PCDH9: variants seen among roughly 807,000 people sequenced by gnomAD.
PCDH9 encodes the protein protocadherin-9.
In PCDH9, 24 loss-of-function variants were observed where a neutral mutation model predicts 70.6. The observed-to-expected ratio is 0.34, with a 90% CI of 0.25 to 0.48. The LOEUF (loss-of-function observed/expected upper bound fraction) is 0.48, where lower values mean the gene tolerates loss of function less well. Ranked by LOEUF, PCDH9 falls within the 20% of genes least tolerant of loss-of-function variation. The pLI is 0.99. For missense variants in PCDH9, 1,281 were observed against 1,503.6 expected (o/e 0.85, Z 2.45); for synonymous variants, 562 against 558.5 (o/e 1.01, Z -0.09).
chr13:66,312,453 A>G (rs1016505887), intron 4 of PCDH9, among the ~76,000 whole-genome samples: 1 of 152,080 alleles, frequency 6.6e-6, no homozygotes, highest in Non-Finnish European at 1.5e-5. Flanking sequence ...TCTACAAAAA[A>G]TACAAATATT....
chr13:67,095,361 T>C (rs992657344), intron 2 of PCDH9, among the ~76,000 whole-genome samples: 15 of 152,226 alleles, frequency 9.9e-5, no homozygotes, highest in Admixed American at 5.2e-4. Flanking sequence ...ATCTAAAAAA[T>C]TAGCAAACAA....
chr13:66,806,959 C>T (rs938594859), intron 3 of PCDH9, among the ~76,000 whole-genome samples: 3 of 151,998 alleles, frequency 2.0e-5, no homozygotes, highest in Non-Finnish European at 4.4e-5. Context: ...CCCCTTCTAC[C>T]CCTATTATGT....
chr13:66,932,681 T>TATATATATATATACAC (rs1313632174), intron 2 of PCDH9, among the ~76,000 whole-genome samples: 52 of 114,824 alleles, frequency 4.5e-4, no homozygotes, highest in East Asian at 1.9e-3. Flanking sequence ...TATATATATA[T>TATATATATATATACAC]ACACACACAC....
intron 3 of PCDH9, among the ~76,000 whole-genome samples, chr13:66,750,990 G>GAAATATCA: frequency 6.6e-6 from 1 of 151,898 alleles, no homozygotes; most frequent in African/African-American, 2.4e-5. Context: ...ATCAGAAACG[G>GAAATATCA]GCCATTTTAA....
intron 2 of PCDH9, among the ~76,000 whole-genome samples, chr13:67,044,509 T>G (rs1344431012): frequency 6.6e-6 from 1 of 152,134 alleles, no homozygotes; most frequent in Non-Finnish European, 1.5e-5. Flanking sequence ...ACGTACAAAG[T>G]GCAATATCTC....
At chr13:66,415,196 C>T (rs1957441052) in intron 4 of PCDH9, among the ~76,000 whole-genome samples, 1 of 152,132 alleles carries the variant, frequency 6.6e-6, no homozygotes, top group Non-Finnish European at 1.5e-5. Flanking sequence ...AAACCAAACT[C>T]AGTTACCTCC....
At chr13:66,746,832 T>C (rs2079373244) in intron 3 of PCDH9, among the ~76,000 whole-genome samples, 1 of 152,166 alleles carries the variant, frequency 6.6e-6, no homozygotes. Context: ...ATTAATATTT[T>C]GGAGAATCAA....
intron 4 of PCDH9, among the ~76,000 whole-genome samples, chr13:66,605,104 G>T (rs2138855438): frequency 6.6e-6 from 1 of 152,098 alleles, no homozygotes; most frequent in East Asian, 1.9e-4. Context: ...GAAGGTTTAT[G>T]CTATACCACA....
chr13:66,734,888 A>G (rs1230697980), intron 3 of PCDH9, among the ~76,000 whole-genome samples: 2 of 152,176 alleles, frequency 1.3e-5, no homozygotes, highest in African/African-American at 4.8e-5. Flanking sequence ...TATGAATCCC[A>G]TGCTCAAAAC....
intron 2 of PCDH9, among the ~76,000 whole-genome samples, chr13:67,144,389 A>G (rs888163329): frequency 4.6e-5 from 7 of 152,176 alleles, no homozygotes; most frequent in Non-Finnish European, 1.0e-4. Flanking sequence ...CTTGCTGTAC[A>G]AAATATCCTG....
chr13:66,534,140 A>T (rs950577960), intron 4 of PCDH9, among the ~76,000 whole-genome samples: 1 of 152,182 alleles, frequency 6.6e-6, no homozygotes, highest in Non-Finnish European at 1.5e-5. Context: ...TCACACTGAT[A>T]TAACAATATA....
At chr13:67,004,772 G>A (rs941431871) in intron 2 of PCDH9, among the ~76,000 whole-genome samples, 1 of 152,124 alleles carries the variant, frequency 6.6e-6, no homozygotes, top group South Asian at 2.1e-4. Flanking sequence ...TTGGCAGAAA[G>A]TAGATAAAGA....
At chr13:66,420,353 G>A (rs555090141) in intron 4 of PCDH9, among the ~76,000 whole-genome samples, 21 of 152,148 alleles carry the variant, frequency 1.4e-4, no homozygotes, top group South Asian at 1.0e-3. Flanking sequence ...CAAGTGGGTC[G>A]CTGACCCCTG....
chr13:67,023,153 C>CT (rs78287460), intron 2 of PCDH9, among the ~76,000 whole-genome samples: 17,156 of 145,884 alleles, frequency 0.12, 1,027 homozygotes, highest in Middle Eastern at 0.16. Flanking sequence ...CATGAAAATC[C>CT]TTTTTTTTTT....
At chr13:67,126,405 T>C (rs1004928908) in intron 2 of PCDH9, among the ~76,000 whole-genome samples, 1 of 152,192 alleles carries the variant, frequency 6.6e-6, no homozygotes, top group Non-Finnish European at 1.5e-5. Flanking sequence ...AAGCATTACA[T>C]TGTGGTTAGA....
chr13:66,993,522 C>T (rs2084045351), intron 2 of PCDH9, among the ~76,000 whole-genome samples: 1 of 152,082 alleles, frequency 6.6e-6, no homozygotes, highest in Non-Finnish European at 1.5e-5. Context: ...TAGTGGACCT[C>T]CCTACCAACT....
In PCDH9 at chr13:67,214,935, GATATATATATATAT is replaced by G. The variant is rs66460017; in HGVS notation, c.3036+10456_3036+10469del. ...CTGAGTGTCTGGCTATTGCGAGCCA[GATATATATATATAT>G]ATATATATATATATATATATATATT... On this transcript the variant is annotated intron_variant, in intron 2 of 4. Transcript: ENST00000377865. 166 of 89,290 alleles carry G rather than the reference GATATATATATATAT, an allele frequency of 1.9e-3. 8 individuals carry two copies. Among genetic ancestry groups the G allele is most frequent in the South Asian group, 7.4e-3 (23 of 3,102 alleles). The allele number at this position is 89,290 out of a possible 1,614,324, so 5.5% of individuals were successfully genotyped here.
At chr13:66,566,774 A>G (rs1163962926) in intron 4 of PCDH9, among the ~76,000 whole-genome samples, 1 of 152,052 alleles carries the variant, frequency 6.6e-6, no homozygotes, top group African/African-American at 2.4e-5. Flanking sequence ...TAACTTTAAC[A>G]TCTAGTTATA....
At chr13:66,765,581 A>G (rs915686500) in intron 3 of PCDH9, among the ~76,000 whole-genome samples, 2 of 152,092 alleles carry the variant, frequency 1.3e-5, no homozygotes, top group African/African-American at 4.8e-5. Context: ...ATTCACAGCA[A>G]TCAGCTCTAA....
Sources: gnomAD v4.1 joint callset for allele counts (sites outside exome capture counted in the v4.1 genomes callset) on GRCh38, gnomAD v4.1.1 for gene constraint, MANE v1.5 for transcripts, NCBI Gene and HGNC (gene_info 2026-07-23, HGNC 2026-07-21) for gene names.